The following UGT1A8 variants were observed in gnomAD, a reference collection of about 807,000 sequenced individuals.
UGT1A8 encodes UDP-glucuronosyltransferase 1A8.
In UGT1A8, 39 loss-of-function variants were observed where a neutral mutation model predicts 45.3. The ratio of observed to expected loss-of-function variants is 0.86; its 90% CI spans 0.67 to 1.12. The LOEUF (loss-of-function observed/expected upper bound fraction) is 1.12. UGT1A8 is among the 50% of genes most tolerant of loss of function. The probability of loss-of-function intolerance (pLI) is 0.00; values close to 1 mark genes in which losing one functional copy is unlikely to be tolerated. For synonymous variants in UGT1A8, 275 were observed against 249.2 expected (o/e 1.10, Z -0.97); for missense variants, 719 against 664.9 (o/e 1.08, Z -0.90).
Position 233,769,399 on chromosome 2 carries a change from ATGTGCGTGTGCGTT to A in UGT1A8, c.1295+966_1295+979del. On this transcript the variant is annotated intron_variant, in intron 4 of 4. Coordinates refer to ENST00000373450, the MANE Select transcript of UGT1A8 (RefSeq NM_019076.5). This position sits in a 1 kb window ranked among gnomAD's most constrained non-coding sequence, Gnocchi z 4.4. ...ATCCGACAATAGATACTGTGTGCATATGTGCGTGTGCGTTTGTGCATGTGGCTGTGCTCATGTGT... is the reference window on the plus strand; with the variant it reads ...ATCCGACAATAGATACTGTGTGCATATGTGCATGTGGCTGTGCTCATGTGT... 1 of 1,170,288 alleles carries A rather than the reference ATGTGCGTGTGCGTT, an allele frequency of 8.5e-7. No homozygotes were observed. Among genetic ancestry groups the A allele is most frequent in the Non-Finnish European group, 1.2e-6 (1 of 810,196 alleles). 72.5% of individuals were successfully genotyped at this position (1,170,288 alleles called of 1,614,324 possible).
intron 1 of UGT1A8, among the ~76,000 whole-genome samples, chr2:233,653,719 C>A (rs1434675238): frequency 6.6e-6 from 1 of 152,214 alleles, no homozygotes; most frequent in Non-Finnish European, 1.5e-5. Context: ...GCCTCAGCCT[C>A]CTGGGTAGCT....
intron 1 of UGT1A8, among the ~76,000 whole-genome samples, chr2:233,651,411 GTTTTACATGTCTAAAAAATACATGTT>G (rs1559325386): frequency 1.3e-5 from 2 of 152,030 alleles, no homozygotes; most frequent in Non-Finnish European, 2.9e-5. Context: ...TATATTTTTG[GTTTTACATGTCTAAAAAATACATGTT>G]TTTTTGTATG....
intron 1 of UGT1A8, among the ~76,000 whole-genome samples, chr2:233,736,521 CAA>C (rs1208875271): frequency 6.6e-6 from 1 of 152,210 alleles, no homozygotes; most frequent in Non-Finnish European, 1.5e-5. Flanking sequence ...GTCAACTCGT[CAA>C]AGTCATTCTC....
At chr2:233,757,535 A>AATATATATATATATATATATATATATAT (rs67292694) in intron 1 of UGT1A8, among the ~76,000 whole-genome samples, 42 of 88,242 alleles carry the variant, frequency 4.8e-4, no homozygotes, top group East Asian at 2.0e-3. Context: ...GCCTGTAAGG[A>AATATATATATATATATATATATATATAT]ATATATATAT....
intron 1 of UGT1A8, chr2:233,761,197 G>A (rs369591851): frequency 3.7e-6 from 6 of 1,613,996 alleles, no homozygotes; most frequent in Non-Finnish European, 5.1e-6. Flanking sequence ...TCTTTCAGAT[G>A]TATTACTTTG....
intron 1 of UGT1A8, among the ~76,000 whole-genome samples, chr2:233,630,814 T>A (rs2073173046): frequency 6.6e-6 from 1 of 151,972 alleles, no homozygotes; most frequent in African/African-American, 2.4e-5. Context: ...GCACATACTT[T>A]TTTTTTTTTC....
intron 1 of UGT1A8, chr2:233,753,700 T>A (rs1032888616): frequency 6.6e-6 from 1 of 152,228 alleles, no homozygotes; most frequent in African/African-American, 2.4e-5. Context: ...CAGATGCACT[T>A]GGCTTTCATC....
intron 1 of UGT1A8, among the ~76,000 whole-genome samples, chr2:233,673,788 G>A (rs2074265390): frequency 6.6e-6 from 1 of 151,982 alleles, no homozygotes; most frequent in Admixed American, 6.6e-5. Context: ...TATGTATCTT[G>A]TATCCAGCCA....
intron 1 of UGT1A8, chr2:233,637,100 A>G (rs2073314619): frequency 1.2e-6 from 2 of 1,613,864 alleles, no homozygotes; most frequent in Non-Finnish European, 1.7e-6. Flanking sequence ...GTCCCCAATG[A>G]TCTCTTAGGG....
At chr2:233,661,623 T>TTTTCTTTCTGTCTTTCTTTC (rs1553602619) in intron 1 of UGT1A8, among the ~76,000 whole-genome samples, 12 of 123,952 alleles carry the variant, frequency 9.7e-5, no homozygotes, top group African/African-American at 3.8e-4. Context: ...ACTTACTGAA[T>TTTTCTTTCTGTCTTTCTTTC]TTTCTTTCTT....
chr2:233,708,242 T>G (rs2076009398), intron 1 of UGT1A8, among the ~76,000 whole-genome samples: 1 of 152,244 alleles, frequency 6.6e-6, no homozygotes, highest in Admixed American at 6.5e-5. Flanking sequence ...AATGTATAAG[T>G]GTACACTTTC....
intron 1 of UGT1A8, among the ~76,000 whole-genome samples, chr2:233,677,393 T>C (rs1468796367): frequency 2.6e-5 from 4 of 152,202 alleles, no homozygotes; most frequent in African/African-American, 9.7e-5. Context: ...AAAATCCGCA[T>C]AGAACTTTTG....
Position 233,618,553 on chromosome 2 carries a change from A to G in UGT1A8, c.846A>G (p.Pro282=), listed in dbSNP as rs767627990. Residue 282 remains proline, a synonymous_variant, in exon 1 of 5, where the codon CCA becomes CCG. Transcript: ENST00000373450. ...GTATCAACTGCCATCAGGGAAAGCC[A>G]TTGCCTATGGTAAGTCACCTCTCCT... ...IGGINCHQGK[P]LPMEFEAYIN... 3.1e-6 allele frequency: 5 copies of G among 1,613,436 alleles called. No individual in the cohort carries two copies. The South Asian group carries it at 5.5e-5, about 18-fold the overall frequency.
At chr2:233,718,845 C>T (rs372864250) in intron 1 of UGT1A8, 6 of 1,613,704 alleles carry the variant, frequency 3.7e-6, no homozygotes, top group Non-Finnish European at 5.1e-6. Flanking sequence ...CCAGGTTCCC[C>T]TGCCGCGGCT....
chr2:233,663,742 A>G (rs1575409768), intron 1 of UGT1A8, among the ~76,000 whole-genome samples: 1 of 152,306 alleles, frequency 6.6e-6, no homozygotes, highest in South Asian at 2.1e-4. Flanking sequence ...GGTTCAGTCT[A>G]TGTCCAGGAA....
At chr2:233,743,637 G>A (rs375962177) in intron 1 of UGT1A8, 6 of 1,367,294 alleles carry the variant, frequency 4.4e-6, no homozygotes, top group East Asian at 9.1e-5. Context: ...GCTGGGTCGC[G>A]GAAGCTGAAG....
At chr2:233,691,734 G>A in intron 1 of UGT1A8, 2 of 735,248 alleles carry the variant, frequency 2.7e-6, no homozygotes, top group Non-Finnish European at 3.3e-6. Flanking sequence ...TGGGCCAGAA[G>A]CAGATACCAG....
chr2:233,693,993 C>T (rs1321694157), intron 1 of UGT1A8: 1 of 1,526,640 alleles, frequency 6.6e-7, no homozygotes, highest in Admixed American at 1.9e-5. Context: ...GAAGTGATAC[C>T]CGGCTCGGAG....
chr2:233,725,125 G>A (rs1256400023), intron 1 of UGT1A8, among the ~76,000 whole-genome samples: 1 of 138,156 alleles, frequency 7.2e-6, no homozygotes, highest in Non-Finnish European at 1.5e-5. Context: ...GCAGTGAGCC[G>A]AGATGGCAGC....
Sources: allele counts gnomAD v4.1 joint callset (sites outside exome capture counted in the v4.1 genomes callset), GRCh38; gene constraint gnomAD v4.1.1; non-coding constraint Gnocchi (gnomAD v3.1); transcripts MANE v1.5; gene names NCBI Gene and HGNC (gene_info 2026-07-23, HGNC 2026-07-21).